GPC6: variants seen among roughly 807,000 people sequenced by gnomAD.
GPC6 encodes glypican-6.
In GPC6, 14 loss-of-function variants were observed where a neutral mutation model predicts 55.2. That is an observed-to-expected ratio of 0.25 (90% CI 0.17 to 0.40). The LOEUF is 0.40. Among genes scored for constraint, GPC6 ranks in the 10% least tolerant of loss-of-function variants. The pLI is 1.00. For missense variants in GPC6, 641 were observed against 708.5 expected (o/e 0.90, Z 1.08); for synonymous variants, 278 against 259.6 (o/e 1.07, Z -0.68).
chr13:93,749,946 T>C (rs1343948354), intron 2 of GPC6, among the ~76,000 whole-genome samples: 1 of 152,192 alleles, frequency 6.6e-6, no homozygotes, highest in Non-Finnish European at 1.5e-5. Flanking sequence ...CTGGACAGCA[T>C]ATTTGAGTAA....
At chr13:93,602,575 A>G (rs889665299) in intron 2 of GPC6, among the ~76,000 whole-genome samples, 22 of 151,864 alleles carry the variant, frequency 1.4e-4, no homozygotes, top group African/African-American at 5.3e-4. Flanking sequence ...TACTCATATA[A>G]ATAATCTTGG....
chr13:93,904,677 A>C (rs1876540674), intron 3 of GPC6, among the ~76,000 whole-genome samples: 1 of 152,166 alleles, frequency 6.6e-6, no homozygotes, highest in African/African-American at 2.4e-5. Context: ...TTGAGGCTGC[A>C]CTGAGCCATG....
chr13:93,652,935 A>G (rs753950724), intron 2 of GPC6, among the ~76,000 whole-genome samples: 17 of 152,190 alleles, frequency 1.1e-4, no homozygotes, highest in Non-Finnish European at 1.5e-5. Flanking sequence ...TTGGGTCAGG[A>G]TAGCCTACTT....
intron 2 of GPC6, among the ~76,000 whole-genome samples, chr13:93,778,572 T>A (rs981126596): frequency 1.3e-5 from 2 of 152,198 alleles, no homozygotes; most frequent in Non-Finnish European, 2.9e-5. Context: ...TGCACTTGCT[T>A]AGATACGGCC....
intron 1 of GPC6, among the ~76,000 whole-genome samples, chr13:93,319,778 A>G (rs1474443857): frequency 6.6e-6 from 1 of 152,138 alleles, no homozygotes; most frequent in Non-Finnish European, 1.5e-5. Flanking sequence ...AAAATTTCAG[A>G]ACGCTAGGCA....
At chr13:93,688,187 T>G (rs2138776167) in intron 2 of GPC6, among the ~76,000 whole-genome samples, 1 of 152,152 alleles carries the variant, frequency 6.6e-6, no homozygotes, top group South Asian at 2.1e-4. Context: ...AGAGGATGTA[T>G]AAGATAGAGT....
intron 4 of GPC6, among the ~76,000 whole-genome samples, chr13:94,109,847 T>C (rs1886179116): frequency 6.6e-6 from 1 of 152,062 alleles, no homozygotes; most frequent in South Asian, 2.1e-4. Flanking sequence ...GTATTGATTA[T>C]TACACTCAGA....
chr13:94,335,663 G>T (rs1877649240), intron 6 of GPC6, among the ~76,000 whole-genome samples: 1 of 152,172 alleles, frequency 6.6e-6, no homozygotes, highest in South Asian at 2.1e-4. Flanking sequence ...GAGTTCTTGT[G>T]AGAAGAAAAC....
At chr13:94,396,226 T>C (rs894808178) in intron 7 of GPC6, among the ~76,000 whole-genome samples, 5 of 152,202 alleles carry the variant, frequency 3.3e-5, no homozygotes, top group Non-Finnish European at 5.9e-5. Context: ...CTTTAAACTC[T>C]CTTTATTACC....
chr13:94,177,230 T>G, intron 4 of GPC6, among the ~76,000 whole-genome samples: 1 of 152,150 alleles, frequency 6.6e-6, no homozygotes, highest in East Asian at 1.9e-4. Context: ...TGTAAATTTT[T>G]TAGGTAAACA....
chr13:93,975,814 C>T (rs1007914656), intron 3 of GPC6, among the ~76,000 whole-genome samples: 8 of 152,084 alleles, frequency 5.3e-5, no homozygotes, highest in East Asian at 1.9e-4. Flanking sequence ...TTTTTTAAAA[C>T]GTAGGTGTGA....
At chr13:93,566,984 T>C (rs1008846546) in intron 2 of GPC6, among the ~76,000 whole-genome samples, 1 of 152,168 alleles carries the variant, frequency 6.6e-6, no homozygotes, top group Non-Finnish European at 1.5e-5. Flanking sequence ...TTTGGGTTGG[T>C]TCCAAGTCTT....
chr13:93,920,444 A>G (rs1594588657), intron 3 of GPC6, among the ~76,000 whole-genome samples: 1 of 152,222 alleles, frequency 6.6e-6, no homozygotes, highest in East Asian at 1.9e-4. Context: ...AATATTCTGA[A>G]TTGCACAATA....
intron 2 of GPC6, among the ~76,000 whole-genome samples, chr13:93,654,284 C>T (rs1880556812): frequency 6.6e-6 from 1 of 152,076 alleles, no homozygotes; most frequent in East Asian, 1.9e-4. Flanking sequence ...AACAGAATCT[C>T]ACTCTGTCGC....
chr13:94,245,292 C>T (rs929605383), intron 4 of GPC6, among the ~76,000 whole-genome samples: 2 of 151,912 alleles, frequency 1.3e-5, no homozygotes, highest in African/African-American at 4.8e-5. Flanking sequence ...GGTGTGGTGG[C>T]TCATGCTTGT....
intron 4 of GPC6, among the ~76,000 whole-genome samples, chr13:94,049,969 G>A (rs544848281): frequency 6.6e-6 from 1 of 152,210 alleles, no homozygotes; most frequent in Non-Finnish European, 1.5e-5. Context: ...GAGTTTCCCT[G>A]TTCGATTGGT....
chr13:93,444,396 C>T (rs1270693715), intron 1 of GPC6, among the ~76,000 whole-genome samples: 22 of 152,016 alleles, frequency 1.4e-4, no homozygotes, highest in Admixed American at 1.4e-3. Context: ...ATCACGAGGT[C>T]AGAGGTTTGA....
At chr13:94,084,124 C>T (rs1431776331) in intron 4 of GPC6, among the ~76,000 whole-genome samples, 1 of 152,112 alleles carries the variant, frequency 6.6e-6, no homozygotes, top group East Asian at 1.9e-4. Flanking sequence ...TATTTCATGC[C>T]AGTATTTAGT....
intron 1 of GPC6, among the ~76,000 whole-genome samples, chr13:93,457,902 G>T: frequency 6.6e-6 from 1 of 152,030 alleles, no homozygotes; most frequent in East Asian, 1.9e-4. Flanking sequence ...AGCTAAATAA[G>T]GTTGTTTTCC....
Sources: allele counts gnomAD v4.1 joint callset (sites outside exome capture counted in the v4.1 genomes callset), GRCh38; gene constraint gnomAD v4.1.1; transcripts MANE v1.5; gene names NCBI Gene and HGNC (gene_info 2026-07-23, HGNC 2026-07-21).